Variants in ASXL2 observed in about 807,000 individuals in gnomAD.
ASXL2 encodes the protein putative Polycomb group protein ASXL2.
A neutral mutation model predicts 122.0 loss-of-function variants in ASXL2; 23 were observed. The observed-to-expected ratio is 0.19, with a 90% CI of 0.14 to 0.27. ASXL2 has a LOEUF of 0.27. Ranked by LOEUF, ASXL2 falls within the 10% of genes least tolerant of loss-of-function variation. The pLI, the probability that ASXL2 is intolerant of heterozygous loss-of-function variation, is 1.00. For synonymous variants in ASXL2, 650 were observed against 637.0 expected, an observed-to-expected ratio of 1.02 and a Z score of -0.31; for missense variants, 1,518 against 1,713.8, an observed-to-expected ratio of 0.89 and a Z score of 2.02.
chr2:25,838,540 T>G (rs1309228734), intron 2 of ASXL2, among the ~76,000 whole-genome samples: 1 of 152,044 alleles, frequency 6.6e-6, no homozygotes, highest in African/African-American at 2.4e-5. Context: ...TGTGTGGGAG[T>G]AGCCATGTGA....
chr2:25,749,607 T>G, intron 12 of ASXL2, 89 bp downstream of exon 12: 5 of 1,032,320 alleles, frequency 4.8e-6, no homozygotes, highest in Non-Finnish European at 6.8e-6. Context: ...CATTAAGAAC[T>G]ACCACAATTT....
At position 25,738,849 on chromosome 2, in the gene ASXL2, T is replaced by C. The variant is rs1416528766; in HGVS notation, c.*3180A>G. On this transcript the variant is annotated 3_prime_UTR_variant, in exon 13 of 13. Coordinates refer to ENST00000435504, the MANE Select transcript of ASXL2 (RefSeq NM_018263.6). ...AAGTATGCTCTCTCCACCCCAAGTT[T>C]CCCATTTGCCAGCTCTTATTCTTAG... 1 of 152,176 alleles carries C rather than the reference T, an allele frequency of 6.6e-6. No individual in the cohort carries two copies. Among genetic ancestry groups the C allele is most frequent in the Admixed American group, 6.5e-5 (1 of 15,280 alleles). 9.4% of individuals were successfully genotyped at this position (152,176 alleles called of 1,614,324 possible).
chr2:25,819,482 T>C (rs1160844705), intron 3 of ASXL2, among the ~76,000 whole-genome samples: 1 of 152,160 alleles, frequency 6.6e-6, no homozygotes, highest in African/African-American at 2.4e-5. Flanking sequence ...TTACCATCAC[T>C]AATACTGTGG....
intron 1 of ASXL2, among the ~76,000 whole-genome samples, chr2:25,860,459 T>C (rs550328964): frequency 1.6e-4 from 24 of 152,336 alleles, no homozygotes; most frequent in African/African-American, 5.5e-4. Context: ...CTCACGCCTG[T>C]AATCCCAGCA....
chr2:25,875,215 G>A (rs764157807), intron 1 of ASXL2, among the ~76,000 whole-genome samples: 18 of 152,230 alleles, frequency 1.2e-4, no homozygotes, highest in Non-Finnish European at 2.5e-4. Flanking sequence ...GTGAATCGCA[G>A]CTCCATCACC....
At chr2:25,772,030 G>A (rs2088464741) in intron 5 of ASXL2, among the ~76,000 whole-genome samples, 2 of 152,134 alleles carry the variant, frequency 1.3e-5, no homozygotes, top group South Asian at 2.1e-4. Flanking sequence ...GCTTACCAAC[G>A]TGAGAGGGCA....
intron 3 of ASXL2, chr2:25,822,898 C>T: frequency 1.8e-6 from 1 of 545,850 alleles, no homozygotes; most frequent in South Asian, 1.4e-5. Flanking sequence ...GTAGATGGAG[C>T]AGGTGATGAT....
chr2:25,847,503 T>TA (rs1559527570), intron 1 of ASXL2, among the ~76,000 whole-genome samples: 1 of 152,300 alleles, frequency 6.6e-6, no homozygotes, highest in East Asian at 1.9e-4. Context: ...GGCAGTCTGT[T>TA]AAAAAACTAT....
intron 3 of ASXL2, among the ~76,000 whole-genome samples, chr2:25,808,532 A>G (rs1485802910): frequency 6.6e-6 from 1 of 152,132 alleles, no homozygotes; most frequent in Non-Finnish European, 1.5e-5. Flanking sequence ...GAGTTTCACC[A>G]TGTTGGCCAG....
intron 1 of ASXL2, among the ~76,000 whole-genome samples, chr2:25,865,933 A>AT (rs1442397154): frequency 6.6e-6 from 1 of 152,138 alleles, no homozygotes; most frequent in East Asian, 1.9e-4. Context: ...GTGTAACCAC[A>AT]TTTTCTTATT....
intron 9 of ASXL2, 57 bp from the exon 10 acceptor site, chr2:25,756,171 G>C (rs2088129281): frequency 5.0e-6 from 5 of 1,007,988 alleles, no homozygotes; most frequent in Non-Finnish European, 7.1e-6. Flanking sequence ...GTATCACGTC[G>C]TATTTGACCT....
chr2:25,783,883 G>A (rs1201716605), intron 5 of ASXL2, among the ~76,000 whole-genome samples: 1 of 151,912 alleles, frequency 6.6e-6, no homozygotes, highest in East Asian at 1.9e-4. Context: ...GTGAAACCCC[G>A]ACTCTACTAC....
At chr2:25,822,831 C>T (rs911128155) in intron 3 of ASXL2, 5 of 555,362 alleles carry the variant, frequency 9.0e-6, no homozygotes, top group African/African-American at 3.8e-5. Flanking sequence ...TAATTTTGAT[C>T]GTTTCTCTGA....
intron 6 of ASXL2, among the ~76,000 whole-genome samples, chr2:25,770,656 G>A (rs1345099876): frequency 6.6e-6 from 1 of 152,088 alleles, no homozygotes. Context: ...TTGGAAGGCT[G>A]AGGCAGGAGA....
chr2:25,866,191 C>T (rs1574455542), intron 1 of ASXL2, among the ~76,000 whole-genome samples: 2 of 148,798 alleles, frequency 1.3e-5, no homozygotes, highest in South Asian at 2.1e-4. Context: ...AGTGCAGTGG[C>T]GCCATCTTGG....
At chr2:25,846,525 G>C (rs767089361) in intron 1 of ASXL2, among the ~76,000 whole-genome samples, 9 of 152,160 alleles carry the variant, frequency 5.9e-5, no homozygotes, top group Non-Finnish European at 1.2e-4. Context: ...GTGAGTGCCT[G>C]TAATCCCAGC....
intron 1 of ASXL2, among the ~76,000 whole-genome samples, chr2:25,862,967 G>C (rs1205683520): frequency 6.6e-6 from 1 of 152,062 alleles, no homozygotes; most frequent in Non-Finnish European, 1.5e-5. Context: ...ATTTTGGTAG[G>C]AAAGACAGAT....
intron 1 of ASXL2, among the ~76,000 whole-genome samples, chr2:25,854,713 C>A (rs548313747): frequency 2.0e-5 from 3 of 152,296 alleles, no homozygotes; most frequent in South Asian, 2.1e-4. Flanking sequence ...GGAATGATGG[C>A]TTCAGGCAAG....
chr2:25,856,504 G>A, intron 1 of ASXL2: 1 of 1,081,062 alleles, frequency 9.3e-7, no homozygotes, highest in Non-Finnish European at 1.4e-6. Flanking sequence ...AGCAAAGACA[G>A]CCTTGTCCCC....
Sources: gnomAD v4.1 joint callset for allele counts (sites outside exome capture counted in the v4.1 genomes callset) on GRCh38, gnomAD v4.1.1 for gene constraint, MANE v1.5 for transcripts, NCBI Gene and HGNC (gene_info 2026-07-23, HGNC 2026-07-21) for gene names.